Variants in TBX22 observed in about 807,000 individuals in gnomAD.
TBX22 encodes the protein T-box transcription factor TBX22.
A neutral mutation model predicts 30.1 loss-of-function variants in TBX22; 8 were observed. The ratio of observed to expected loss-of-function variants is 0.27; its 90% CI spans 0.16 to 0.48. The LOEUF (loss-of-function observed/expected upper bound fraction) is 0.48. Among genes scored for constraint, TBX22 ranks in the 20% least tolerant of loss-of-function variants. The probability of loss-of-function intolerance (pLI) is 0.99; values close to 1 mark genes in which losing one functional copy is unlikely to be tolerated. For missense variants in TBX22, 463 were observed against 400.5 expected (o/e 1.16, Z -1.33); for synonymous variants, 173 against 149.1 (o/e 1.16, Z -1.17).
intron 1 of TBX22, among the ~76,000 whole-genome samples, chrX:80,021,676 C>T (rs1001974818): frequency 8.9e-6 from 1 of 112,193 alleles, no homozygotes; most frequent in African/African-American, 3.2e-5. Flanking sequence ...CTCCAAAACC[C>T]CCCTCCCTGT....
intron 5 of TBX22, 80 bp downstream of exon 5, chrX:80,025,857 G>A: frequency 1.1e-6 from 1 of 942,335 alleles, no homozygotes; most frequent in Non-Finnish European, 1.5e-6. Flanking sequence ...AGGCCAGGGA[G>A]GCTTTTTGCA....
chrX:80,016,867 G>A (rs1266955975), intron 1 of TBX22, among the ~76,000 whole-genome samples: 2 of 109,976 alleles, frequency 1.8e-5, no homozygotes, highest in East Asian at 2.9e-4. Flanking sequence ...TTAGTTGGGC[G>A]TGGTTGAACA....
At chrX:80,028,191 T>C in intron 8 of TBX22, 115 bp downstream of exon 8, 6 of 634,477 alleles carry the variant, frequency 9.5e-6, no homozygotes, top group African/African-American at 2.2e-5. Flanking sequence ...AAATGTGTAC[T>C]TATGGGTAAC....
intron 8 of TBX22, among the ~76,000 whole-genome samples, chrX:80,029,922 T>C (rs1336942276): frequency 1.8e-5 from 2 of 111,962 alleles, no homozygotes; most frequent in Non-Finnish European, 3.8e-5. Flanking sequence ...TGATACATGG[T>C]AGTAGTGCTA....
Position 80,031,763 on chromosome X carries a change from T to C in TBX22, c.*652T>C, listed in dbSNP as rs181892863. On this transcript the variant is annotated 3_prime_UTR_variant, in exon 9 of 9. Coordinates refer to ENST00000373296, the MANE Select transcript of TBX22 (RefSeq NM_001109878.2). ...AAAACACTCTAAATAAATTTGCTTT[T>C]ATTTTCTTTTATTTTTGGATAATTC... 8.9e-6 allele frequency: 1 copy of C among 111,873 alleles called. No homozygotes were observed. The highest frequency in any genetic ancestry group is 2.8e-4 in the East Asian group (1 of 3,565). 9.2% of individuals were successfully genotyped at this position (111,873 alleles called of 1,213,427 possible). A position where few individuals can be genotyped will look rare whatever the true frequency, so the allele number is the denominator to read the frequency against.
chrX:80,021,781 G>C (rs1238632328), intron 1 of TBX22, among the ~76,000 whole-genome samples: 1 of 111,641 alleles, frequency 9.0e-6, no homozygotes, highest in Non-Finnish European at 1.9e-5. Context: ...TTCACTGGAT[G>C]CAACAGTAAC....
rs1380250965 is a variant in TBX22, at chrX:80,031,080, A to G, written c.1532A>G (p.His511Arg). ...SFGEGKCNHV[H>R]WYPAINHYL is the part of the protein sequence containing the mutation. Reference sequence around the variant, plus strand: ...GGAGAAGGCAAATGTAATCATGTTCATTGGTATCCAGCAATTAACCATTAC... The same window carrying G: ...GGAGAAGGCAAATGTAATCATGTTCGTTGGTATCCAGCAATTAACCATTAC... Residue 511 changes from histidine to arginine, a missense_variant, in exon 9 of 9, where the codon CAT becomes CGT. By Grantham distance (29) the His-to-Arg change is conservative. Transcript: ENST00000373296. The G allele has an allele frequency of 3.3e-6, 4 of 1,209,171 alleles. No individual in the cohort carries two copies. The African/African-American group carries it at 5.2e-5, about 16-fold the overall frequency.
chrX:80,015,648 C>CCA (rs924288095), intron 1 of TBX22, among the ~76,000 whole-genome samples: 2 of 110,923 alleles, frequency 1.8e-5, no homozygotes, highest in Non-Finnish European at 1.9e-5. Flanking sequence ...AGCACACATA[C>CCA]CACACACACA....
Position 80,030,997 on chromosome X carries a change from T to C in TBX22, c.1449T>C (p.Ser483=), listed in dbSNP as rs1924228916. Residue 483 remains serine, a synonymous_variant, in exon 9 of 9, where the codon TCT becomes TCC. Transcript: ENST00000373296. ...ATAGATACAATTTCTCTATGCCATC[T>C]AGACTGATAAGTGGTTCCAACCATC... The part of the protein sequence containing the change: ...DFYRYNFSMP[S]RLISGSNHLK... 8.3e-7 allele frequency: 1 copy of C among 1,210,860 alleles called. No homozygotes were observed. Among genetic ancestry groups the C allele is most frequent in the South Asian group, 1.8e-5 (1 of 56,942 alleles).
At chrX:80,026,961 C>A in intron 6 of TBX22, 93 bp downstream of exon 6, 1 of 886,038 alleles carries the variant, frequency 1.1e-6, no homozygotes, top group Non-Finnish European at 1.7e-6. Context: ...TTGCATTTTC[C>A]ACAATTCTAA....
Position 80,030,776 on chromosome X carries a change from G to A in TBX22, c.1228G>A (p.Val410Met), listed in dbSNP as rs1199668767. ...GTCTTTAGCCCCACTCATGATGGAA[G>A]TGCCTATGTTATCTTCCCTGGGGGT... ...SQSLAPLMME[V>M]PMLSSLGVTN... Residue 410 changes from valine to methionine, a missense_variant, in exon 9 of 9, where the codon GTG becomes ATG. Coordinates refer to ENST00000373296, the MANE Select transcript of TBX22 (RefSeq NM_001109878.2). 1 of 1,211,670 alleles carries A rather than the reference G, an allele frequency of 8.3e-7. No homozygotes were observed. Among genetic ancestry groups the A allele is most frequent in the South Asian group, 1.8e-5 (1 of 57,032 alleles).
chrX:80,025,796 TTA>T lies in TBX22; in HGVS notation c.633+20_633+21del. On this transcript the variant is annotated intron_variant, in intron 5 of 8. Transcript: ENST00000373296. ...AGGCCACGTACGTGAGCACAATCCT[TTA>T]CCCCGAGGAGGGAGGTGCCAAGGCT... 1 of 1,183,969 alleles carries T rather than the reference TTA, an allele frequency of 8.4e-7. No homozygotes were observed. The highest frequency in any genetic ancestry group is 1.1e-6 in the Non-Finnish European group (1 of 878,835).
chrX:80,023,912 A>C, intron 3 of TBX22, 151 bp from the exon 4 acceptor site: 1 of 514,268 alleles, frequency 1.9e-6, no homozygotes, highest in Non-Finnish European at 3.4e-6. Flanking sequence ...ATCTTTCCTC[A>C]TGTAGCAAAT....
intron 1 of TBX22, among the ~76,000 whole-genome samples, chrX:80,017,016 A>G (rs939579120): frequency 9.3e-6 from 1 of 107,963 alleles, no homozygotes; most frequent in African/African-American, 3.4e-5. Context: ...AAAAAAAAAA[A>G]AAAAAAAAAG....
chrX:80,015,018 T>C, intron 1 of TBX22, 131 bp downstream of exon 1: 1 of 111,496 alleles, frequency 9.0e-6, no homozygotes, highest in African/African-American at 3.3e-5. Flanking sequence ...GTCCAACTGA[T>C]AACTGTCAGT....
At chrX:80,025,453 C>T in intron 4 of TBX22, 150 bp from the exon 5 acceptor site, 1 of 515,825 alleles carries the variant, frequency 1.9e-6, no homozygotes. Context: ...TATTTTTTGC[C>T]CCGAATGCTT....
intron 2 of TBX22, 107 bp from the exon 3 acceptor site, chrX:80,022,953 T>TGG: frequency 1.2e-6 from 1 of 821,705 alleles, no homozygotes; most frequent in Non-Finnish European, 1.8e-6. Context: ...CCAAAGTTCC[T>TGG]GGGGAAGGGA....
Position 80,030,514 on chromosome X carries a change from A to T in TBX22, c.966A>T (p.Ser322=). 8.3e-7 allele frequency: 1 copy of T among 1,211,193 alleles called. No homozygotes were observed. Among genetic ancestry groups the T allele is most frequent in the East Asian group, 3.0e-5 (1 of 33,836 alleles). ...GADTQSGSSG[S]SPVTSSGGAP... ...CATTCACAGGTGGAAGCAGTGGCTC[A>T]TCTCCAGTGACCTCTAGTGGAGGGG... Residue 322 remains serine, a synonymous_variant, in exon 9 of 9, where the codon TCA becomes TCT. Coordinates refer to ENST00000373296, the MANE Select transcript of TBX22 (RefSeq NM_001109878.2).
At chrX:80,018,085 T>A (rs992078843) in intron 1 of TBX22, among the ~76,000 whole-genome samples, 7 of 112,035 alleles carry the variant, frequency 6.2e-5, no homozygotes, top group Non-Finnish European at 1.3e-4. Flanking sequence ...CATGCATAAC[T>A]CAAGACTAGA....
Sources: allele counts gnomAD v4.1 joint callset (sites outside exome capture counted in the v4.1 genomes callset), GRCh38; gene constraint gnomAD v4.1.1; transcripts MANE v1.5; gene names NCBI Gene and HGNC (gene_info 2026-07-23, HGNC 2026-07-21).